The following LIMS2 variants were observed in gnomAD, a reference collection of about 807,000 sequenced individuals.
LIMS2 encodes LIM zinc finger domain containing 2.
A neutral mutation model predicts 45.3 loss-of-function variants in LIMS2; 30 were observed. The observed-to-expected ratio is 0.66, with a 90% CI of 0.50 to 0.90. LIMS2 has a LOEUF of 0.90. Among genes scored for constraint, LIMS2 ranks in the 40% least tolerant of loss-of-function variants. The pLI is 0.00. For missense variants in LIMS2, 485 were observed against 468.7 expected (o/e 1.03, Z -0.32); for synonymous variants, 173 against 188.0 (o/e 0.92, Z 0.65).
chr2:127,654,341 AGTG>A, intron 4 of LIMS2, 80 bp downstream of exon 4: 1 of 1,587,776 alleles, frequency 6.3e-7, no homozygotes, highest in South Asian at 1.1e-5. Context: ...GCCCTCAGCA[AGTG>A]GGTAGCACAC....
chr2:127,671,432 C>CAAA lies in LIMS2; in HGVS notation c.11+3579_11+3581dup. The stretch of plus-strand genomic sequence containing the variant: ...TGGGTGACAGAGCGAGACTCCATCT[C>CAAA]AAAAAAAAAAAAAAGAGCCTGCATG... On this transcript the variant is annotated intron_variant, in intron 1 of 9. Transcript: ENST00000355119. This position sits in a 1 kb window ranked among gnomAD's most constrained non-coding sequence, Gnocchi z 4.1. Among the ~76,000 whole-genome samples, 1 of 113,038 alleles carries CAAA rather than the reference C, an allele frequency of 8.8e-6. No individual in the cohort carries two copies. The highest frequency in any genetic ancestry group is 3.2e-5 in the African/African-American group (1 of 31,076). 74.2% of individuals were successfully genotyped at this position (113,038 alleles called of 152,430 possible). A position where few individuals can be genotyped will look rare whatever the true frequency, so the allele number is the denominator to read the frequency against.
rs932015238 is a variant in LIMS2, at chr2:127,648,305, A to G, written c.360-5233T>C. 3 of 522,306 alleles carry G rather than the reference A, an allele frequency of 5.7e-6. No individual in the cohort carries two copies. In the African/African-American group the frequency reaches 6.2e-5, roughly 11 times the overall value. 32.4% of individuals were successfully genotyped at this position (522,306 alleles called of 1,614,324 possible). A position where few individuals can be genotyped will look rare whatever the true frequency, so the allele number is the denominator to read the frequency against. ...TTTTCAGGTAGGGGAACCTGCCTAG[A>G]GAAATAGCTAAAAGGTAATATTATT... is the stretch of plus-strand genomic sequence containing the variant. On this transcript the variant is annotated intron_variant, in intron 4 of 9. Coordinates refer to ENST00000355119, the MANE Select transcript of LIMS2 (RefSeq NM_001161403.3).
At position 127,647,754 on chromosome 2, in the gene LIMS2, G is replaced by C. The variant is rs1201883795; in HGVS notation, c.360-4682C>G. 6.6e-6 allele frequency among the ~76,000 whole-genome samples: 1 copy of C among 151,954 alleles called. No homozygotes were observed. The highest frequency in any genetic ancestry group is 1.5e-5 in the Non-Finnish European group (1 of 67,964). ...TGTGTGCCCCTCCCATCTACCATGG[G>C]CTGTCCTCTCTGCTTGCCCATGCGT... On this transcript the variant is annotated intron_variant, in intron 4 of 9. Coordinates refer to ENST00000355119, the MANE Select transcript of LIMS2 (RefSeq NM_001161403.3). This position sits in a 1 kb window ranked among gnomAD's most constrained non-coding sequence, Gnocchi z 4.3.
At chr2:127,669,839 T>C (rs1023774243) in intron 1 of LIMS2, among the ~76,000 whole-genome samples, 1 of 152,308 alleles carries the variant, frequency 6.6e-6, no homozygotes, top group East Asian at 1.9e-4. Context: ...AGAGTTTGAA[T>C]GGACATTTTT....
intron 6 of LIMS2, chr2:127,641,240 C>G: frequency 2.3e-6 from 1 of 442,056 alleles, no homozygotes; most frequent in Non-Finnish European, 4.2e-6. Flanking sequence ...CCTACCCCTC[C>G]TCTAAGGCAC....
chr2:127,651,272 G>A (rs1683749714), intron 4 of LIMS2: 1 of 1,606,670 alleles, frequency 6.2e-7, no homozygotes, highest in Admixed American at 1.7e-5. Flanking sequence ...ACCACACGGT[G>A]GTCTGCCTGC....
At chr2:127,674,891 C>A in intron 1 of LIMS2, 123 bp downstream of exon 1, 1 of 1,216,320 alleles carries the variant, frequency 8.2e-7, no homozygotes, top group Non-Finnish European at 1.0e-6. Context: ...CTGCGAGAAT[C>A]CGACGCGCCA....
At chr2:127,651,695 G>A (rs375979218) in intron 4 of LIMS2, 85 of 1,613,060 alleles carry the variant, frequency 5.3e-5, no homozygotes, top group South Asian at 4.4e-4. Flanking sequence ...TCAAGGGCCC[G>A]CCCCCCAGCT....
intron 7 of LIMS2, 99 bp from the exon 8 acceptor site, chr2:127,640,417 G>C: frequency 7.6e-7 from 1 of 1,322,360 alleles, no homozygotes. Flanking sequence ...GCCCCTCTCA[G>C]GCATCTCCCA....
chr2:127,654,367 A>G (rs1573809483), intron 4 of LIMS2, 57 bp downstream of exon 4: 1 of 1,610,272 alleles, frequency 6.2e-7, no homozygotes, highest in South Asian at 1.1e-5. Context: ...GAGAGGTGGC[A>G]GGTGTGCCAG....
In LIMS2 at chr2:127,657,316, C is replaced by T. The variant is rs534470488; in HGVS notation, c.171+87G>A. The T allele has an allele frequency of 2.7e-5, 41 of 1,517,652 alleles. No homozygotes were observed. In the East Asian group the frequency reaches 5.0e-4, roughly 18 times the overall value. The allele number at this position is 1,517,652 out of a possible 1,614,324, so 94.0% of individuals were successfully genotyped here. ...CTCCAGACCTGGCCCTGTCACCAGT[C>T]GGGACCACTGCATGGAGCCCGGCCC... On this transcript the variant is annotated intron_variant, in intron 2 of 9. Transcript: ENST00000355119.
rs145782676 is a variant in LIMS2, at chr2:127,672,629, G to C, written c.11+2385C>G. The stretch of plus-strand genomic sequence containing the variant: ...TGAGTCAGCCTCCTCTCCTCCACCC[G>C]CTCAGCCACCCAGGAGAGGCCTCCC... On this transcript the variant is annotated intron_variant, in intron 1 of 9. Transcript: ENST00000355119. This position sits in a 1 kb window ranked among gnomAD's most constrained non-coding sequence, Gnocchi z 4.9. Among the ~76,000 whole-genome samples, 37 of 152,174 alleles carry C rather than the reference G, an allele frequency of 2.4e-4. No homozygotes were observed. Among genetic ancestry groups the C allele is most frequent in the African/African-American group, 8.9e-4 (37 of 41,540 alleles).
intron 9 of LIMS2, 59 bp from the exon 10 acceptor site, chr2:127,639,487 G>A: frequency 5.7e-6 from 9 of 1,590,668 alleles, no homozygotes; most frequent in South Asian, 1.1e-5. Flanking sequence ...ACCCCAGACA[G>A]GTGACTGTGG....
intron 1 of LIMS2, among the ~76,000 whole-genome samples, chr2:127,658,800 G>A (rs1453373434): frequency 6.6e-6 from 1 of 152,224 alleles, no homozygotes. Context: ...GGGGAGTGAC[G>A]CAACCAGCTG....
In LIMS2 at chr2:127,654,439, A is replaced by G. The variant is rs1684102516; in HGVS notation, c.344T>C (p.Val115Ala). Residue 115 changes from valine (V) to alanine (A), a missense_variant, in exon 4 of 10, where the codon GTG (valine) becomes GCG (alanine). Val to Ala is a moderately conservative substitution (Grantham distance 64, BLOSUM62 0). Coordinates refer to ENST00000355119, the MANE Select transcript of LIMS2 (RefSeq NM_001161403.3). ...GCCACCTCACCTGCCGGCATTCTTC[A>G]CAAAGCCCAGGTCAGCCAGCTCCAC... Reference protein sequence around the residue: ...CDVELADLGFVKNAGRHLCRP... With the variant: ...CDVELADLGFAKNAGRHLCRP... 5 of 1,614,088 alleles carry G rather than the reference A, an allele frequency of 3.1e-6. No individual in the cohort carries two copies. Among genetic ancestry groups the G allele is most frequent in the Non-Finnish European group, 4.2e-6 (5 of 1,179,990 alleles).
intron 4 of LIMS2, chr2:127,649,924 G>GAA: frequency 9.3e-7 from 1 of 1,077,194 alleles, no homozygotes; most frequent in East Asian, 2.6e-5. Context: ...CCCTGGTGGT[G>GAA]GATCTACTCT....
At chr2:127,661,344 G>A (rs991181105) in intron 1 of LIMS2, among the ~76,000 whole-genome samples, 2 of 152,228 alleles carry the variant, frequency 1.3e-5, no homozygotes, top group Non-Finnish European at 2.9e-5. Context: ...CAGAGCACCA[G>A]GCCAGGCAGG....
At position 127,648,693 on chromosome 2, in the gene LIMS2, G is replaced by A. The variant is rs535776178; in HGVS notation, c.360-5621C>T. ...AAGGAGCACTTTGGGAGGCCAAGGA[G>A]AGAGGATCACTTGAGCCCAGGAGTT... On this transcript the variant is annotated intron_variant, in intron 4 of 9. Coordinates refer to ENST00000355119, the MANE Select transcript of LIMS2 (RefSeq NM_001161403.3). 3.9e-5 allele frequency among the ~76,000 whole-genome samples: 6 copies of A among 152,168 alleles called. No homozygotes were observed. The East Asian group carries it at 1.2e-3, about 30-fold the overall frequency.
intron 1 of LIMS2, among the ~76,000 whole-genome samples, chr2:127,673,263 G>A (rs1685352787): frequency 6.6e-6 from 1 of 152,202 alleles, no homozygotes; most frequent in African/African-American, 2.4e-5. Context: ...TCTTGGGAGT[G>A]GAACTGTGGC....
Sources: allele counts gnomAD v4.1 joint callset (sites outside exome capture counted in the v4.1 genomes callset), GRCh38; gene constraint gnomAD v4.1.1; non-coding constraint Gnocchi (gnomAD v3.1); transcripts MANE v1.5; gene names NCBI Gene and HGNC (gene_info 2026-07-23, HGNC 2026-07-21).